AFG3L2: variants seen among roughly 807,000 people sequenced by gnomAD.
AFG3L2 encodes the protein mitochondrial inner membrane m-AAA protease component AFG3L2.
AFG3L2 carries 54 observed loss-of-function variants against 94.5 expected under a neutral mutation model. The observed-to-expected ratio is 0.57, with a 90% CI of 0.46 to 0.72. The LOEUF is 0.72. Among genes scored for constraint, AFG3L2 ranks in the 30% least tolerant of loss-of-function variants. The pLI is 0.00. For synonymous variants in AFG3L2, 377 were observed against 365.5 expected (o/e 1.03, Z -0.36); for missense variants, 754 against 994.9 (o/e 0.76, Z 3.26).
At position 12,376,978 on chromosome 18, in the gene AFG3L2, G is replaced by A. The variant is rs1909180381; in HGVS notation, c.105C>T (p.Cys35=). The A allele has an allele frequency of 6.8e-7, 1 of 1,460,272 alleles. No homozygotes were observed. The highest frequency in any genetic ancestry group is 1.5e-5 in the African/African-American group (1 of 68,012). 90.5% of individuals were successfully genotyped at this position (1,460,272 alleles called of 1,614,324 possible). A position where few individuals can be genotyped will look rare whatever the true frequency, so the allele number is the denominator to read the frequency against. Residue 35 remains cysteine, a synonymous_variant, in exon 1 of 17, where the codon TGC becomes TGT. Transcript: ENST00000269143. ...PGGVGPGEQP[C]LRTLYRFVTT... is the part of the protein sequence containing the mutation. ...CCCAGGTAGGACTCACCGTCCGGAG[G>A]CAGGGCTGCTCGCCCGGGCCCACGC...
In AFG3L2 at chr18:12,366,812, T is replaced by A. The variant is rs567931099; in HGVS notation, c.552+153A>T. Among the ~76,000 whole-genome samples the A allele has an allele frequency of 2.6e-5, 4 of 152,370 alleles. No homozygotes were observed. In the South Asian group the frequency reaches 8.3e-4, roughly 32 times the overall value. On this transcript the variant is annotated intron_variant, in intron 5 of 16. Coordinates refer to ENST00000269143, the MANE Select transcript of AFG3L2 (RefSeq NM_006796.3). ...CCAGGTCAAAACACGGGTTCTCTAG[T>A]TGCAGTACTTCTCAGCATTAGAAAA...
chr18:12,349,111 T>A (rs993076099), intron 12 of AFG3L2, among the ~76,000 whole-genome samples: 2 of 152,172 alleles, frequency 1.3e-5, no homozygotes, highest in Admixed American at 1.3e-4. Flanking sequence ...AAATAGGGAA[T>A]GGGAAAGGAT....
rs371921200 is a variant in AFG3L2 at position 12,366,987 on chromosome 18, T to C, written c.530A>G (p.Asn177Ser). The C allele has an allele frequency of 1.1e-4, 180 of 1,614,124 alleles. No homozygotes were observed. The highest frequency in any genetic ancestry group is 1.5e-4 in the Non-Finnish European group (175 of 1,180,038). ...GREITWKDFV[N>S]NYLSKGVVDR... ...TACTACTCCTTTTGAAAGATAGTTA[T>C]TGACAAAGTCCTTCCAAGTGATTTC... Residue 177 changes from asparagine (N) to serine (S), a missense_variant, in exon 5 of 17, where the codon AAT (asparagine) becomes AGT (serine). Physicochemically the swap from Asn to Ser is conservative, Grantham distance 46. Around this residue, in one of 4 missense-constraint regions of AFG3L2, gnomAD observed 130 missense variants for 175.1 expected, o/e 0.74. Coordinates refer to ENST00000269143, the MANE Select transcript of AFG3L2 (RefSeq NM_006796.3).
chr18:12,370,732 T>G (rs1568146875), intron 3 of AFG3L2, 117 bp downstream of exon 3: 1 of 734,940 alleles, frequency 1.4e-6, no homozygotes, highest in East Asian at 2.9e-5. Context: ...AGGCTGGGAT[T>G]ACAGGCGTGA....
chr18:12,338,608 T>C (rs1200773875), intron 15 of AFG3L2, among the ~76,000 whole-genome samples: 1 of 152,168 alleles, frequency 6.6e-6, no homozygotes, highest in Non-Finnish European at 1.5e-5. Flanking sequence ...TAACATTTCA[T>C]GAATACAGTC....
At chr18:12,333,348 A>G (rs1379783929) in intron 16 of AFG3L2, among the ~76,000 whole-genome samples, 3 of 130,618 alleles carry the variant, frequency 2.3e-5, no homozygotes, top group African/African-American at 5.7e-5. Flanking sequence ...TATATAATAT[A>G]TAATTATATA....
At chr18:12,330,870 T>G (rs1907501882) in intron 16 of AFG3L2, among the ~76,000 whole-genome samples, 1 of 152,014 alleles carries the variant, frequency 6.6e-6, no homozygotes, top group Non-Finnish European at 1.5e-5. Context: ...GAACTTAACC[T>G]AGAGGCATTC....
chr18:12,351,002 A>G, intron 12 of AFG3L2, 83 bp downstream of exon 12: 1 of 1,563,722 alleles, frequency 6.4e-7, no homozygotes, highest in Non-Finnish European at 8.8e-7. Context: ...AGAAGTGAAA[A>G]GGTAAGAAAG....
intron 11 of AFG3L2, 42 bp downstream of exon 11, chr18:12,351,264 C>T (rs373273761): frequency 1.5e-4 from 250 of 1,613,880 alleles, no homozygotes; most frequent in Non-Finnish European, 2.1e-4. Context: ...GTCACACCTA[C>T]ACTCATGAGC....
Position 12,356,121 on chromosome 18 carries a change from C to CAA in AFG3L2, c.1164+571_1164+572dup, listed in dbSNP as rs55757012. On this transcript the variant is annotated intron_variant, in intron 9 of 16. Transcript: ENST00000269143. Reference sequence around the variant, plus strand: ...ATTATATCTCAATAAATGTTGTCACCAAAAAAAAAAAAAATCCACAAATAA... The same window carrying CAA: ...ATTATATCTCAATAAATGTTGTCACCAAAAAAAAAAAAAAAATCCACAAATAA... 4.7e-3 allele frequency among the ~76,000 whole-genome samples: 645 copies of CAA among 138,224 alleles called. 6 individuals are homozygous for CAA. Among genetic ancestry groups the CAA allele is most frequent in the Non-Finnish European group, 5.8e-3 (380 of 65,130 alleles). 90.7% of individuals were successfully genotyped at this position (138,224 alleles called of 152,430 possible). A position where few individuals can be genotyped will look rare whatever the true frequency, so the allele number is the denominator to read the frequency against.
At chr18:12,363,166 T>C (rs779729249) in intron 6 of AFG3L2, among the ~76,000 whole-genome samples, 3 of 152,100 alleles carry the variant, frequency 2.0e-5, no homozygotes, top group African/African-American at 4.8e-5. Context: ...GGCTAGAAAA[T>C]GGTTAAACAC....
intron 10 of AFG3L2, among the ~76,000 whole-genome samples, chr18:12,351,940 G>A (rs1227286428): frequency 6.6e-6 from 1 of 152,072 alleles, no homozygotes; most frequent in Non-Finnish European, 1.5e-5. Context: ...AAAGTTTTAC[G>A]AGTAAATTTC....
chr18:12,347,008 G>A (rs1402596359), intron 13 of AFG3L2, among the ~76,000 whole-genome samples: 1 of 151,726 alleles, frequency 6.6e-6, no homozygotes, highest in Non-Finnish European at 1.5e-5. Context: ...ATGGTGGCAG[G>A]TGCCTGTAAT....
chr18:12,339,523 G>A (rs1907870141), intron 15 of AFG3L2, among the ~76,000 whole-genome samples: 1 of 144,066 alleles, frequency 6.9e-6, no homozygotes, highest in South Asian at 2.2e-4. Flanking sequence ...TTGCACTCCA[G>A]CCTGGGCAAC....
At chr18:12,375,350 C>G (rs1392730250) in intron 1 of AFG3L2, among the ~76,000 whole-genome samples, 1 of 147,404 alleles carries the variant, frequency 6.8e-6, no homozygotes, top group Non-Finnish European at 1.5e-5. Context: ...CCGCGCCAAG[C>G]AACCCGCCTT....
chr18:12,363,938 G>A, intron 5 of AFG3L2, 82 bp from the exon 6 acceptor site: 4 of 1,070,792 alleles, frequency 3.7e-6, no homozygotes, highest in Middle Eastern at 2.6e-4. Context: ...AAATGCATAT[G>A]ATGTTTCAGC....
chr18:12,363,064 C>T (rs1408277133), intron 6 of AFG3L2, among the ~76,000 whole-genome samples: 1 of 152,248 alleles, frequency 6.6e-6, no homozygotes, highest in Admixed American at 6.5e-5. Flanking sequence ...ACTTTACAGA[C>T]ATTCTGCTAT....
chr18:12,352,656 T>C (rs1005900192), intron 10 of AFG3L2, among the ~76,000 whole-genome samples: 3 of 152,198 alleles, frequency 2.0e-5, no homozygotes, highest in Non-Finnish European at 4.4e-5. Flanking sequence ...ACAAACAGCA[T>C]GTTAACACCG....
chr18:12,368,213 G>T (rs976113283), intron 3 of AFG3L2, among the ~76,000 whole-genome samples: 4 of 151,792 alleles, frequency 2.6e-5, no homozygotes, highest in African/African-American at 9.7e-5. Context: ...ATAAAAATTA[G>T]CCAGGCATCG....
Sources: gnomAD v4.1 joint callset for allele counts (sites outside exome capture counted in the v4.1 genomes callset) on GRCh38, gnomAD v4.1.1 for gene constraint, gnomAD v4.1.1 regional missense constraint, MANE v1.5 for transcripts, NCBI Gene and HGNC (gene_info 2026-07-23, HGNC 2026-07-21) for gene names.